The following TAF2 variants were observed in gnomAD, a reference collection of about 807,000 sequenced individuals.
The protein encoded by TAF2 is TATA-box binding protein associated factor 2.
In TAF2, 61 loss-of-function variants were observed where a neutral mutation model predicts 138.5. The ratio of observed to expected loss-of-function variants is 0.44; its 90% CI spans 0.36 to 0.54. The LOEUF (loss-of-function observed/expected upper bound fraction) is 0.54. Ranked by LOEUF, TAF2 falls within the 20% of genes least tolerant of loss-of-function variation. The pLI is 0.00. For missense variants in TAF2, 1,090 were observed against 1,427.9 expected, an observed-to-expected ratio of 0.76 and a Z score of 3.81; for synonymous variants, 475 against 469.9, an observed-to-expected ratio of 1.01 and a Z score of -0.14.
In TAF2 at chr8:119,755,986, T is replaced by C. The variant is rs773653485; in HGVS notation, c.2878+20A>G. On this transcript the variant is annotated intron_variant, in intron 22 of 25. Coordinates refer to ENST00000378164, the MANE Select transcript of TAF2 (RefSeq NM_003184.4). Reference sequence around the variant, plus strand: ...ATACTCTAGTAATAATAAAAACAATTTAAATCCCTGCTCTCTCACCAGAAT... The same window carrying C: ...ATACTCTAGTAATAATAAAAACAATCTAAATCCCTGCTCTCTCACCAGAAT... 23 of 1,549,144 alleles carry C rather than the reference T, an allele frequency of 1.5e-5. No homozygotes were observed. The African/African-American group carries it at 2.9e-4, about 19-fold the overall frequency.
At chr8:119,823,733 T>C (rs1023475268) in intron 2 of TAF2, among the ~76,000 whole-genome samples, 5 of 152,182 alleles carry the variant, frequency 3.3e-5, no homozygotes, top group African/African-American at 4.8e-5. Flanking sequence ...AACTAGGTAA[T>C]AGGCAGAGGT....
intron 24 of TAF2, 97 bp from the exon 25 acceptor site, chr8:119,742,753 C>A: frequency 1.3e-6 from 2 of 1,487,316 alleles, no homozygotes; most frequent in Non-Finnish European, 9.1e-7. Context: ...GCCTTAAAGA[C>A]AGAAGCAATT....
Position 119,756,147 on chromosome 8 carries a change from G to T in TAF2, c.2769-32C>A. 3 of 1,521,070 alleles carry T rather than the reference G, an allele frequency of 2.0e-6. No individual in the cohort carries two copies. In the South Asian group the frequency reaches 3.4e-5, roughly 17 times the overall value. The allele number at this position is 1,521,070 out of a possible 1,614,324, so 94.2% of individuals were successfully genotyped here. ...GATTAAAAAAAATTAAATTTTTGCTGACCTTTTACTGACAGATGCTATGAG... is the reference window on the plus strand; with the variant it reads ...GATTAAAAAAAATTAAATTTTTGCTTACCTTTTACTGACAGATGCTATGAG... On this transcript the variant is annotated intron_variant, in intron 21 of 25. Coordinates refer to ENST00000378164, the MANE Select transcript of TAF2 (RefSeq NM_003184.4).
chr8:119,769,843 C>T (rs1007578946), intron 18 of TAF2, among the ~76,000 whole-genome samples: 26 of 151,730 alleles, frequency 1.7e-4, no homozygotes, highest in Middle Eastern at 3.4e-3. Flanking sequence ...CTGCAACCTC[C>T]GCCTCCCGGG....
intron 25 of TAF2, among the ~76,000 whole-genome samples, chr8:119,738,111 G>T (rs1483542161): frequency 5.3e-5 from 8 of 150,924 alleles, no homozygotes; most frequent in Admixed American, 1.3e-4. Flanking sequence ...TATATATATA[G>T]TATGTTTTAT....
At chr8:119,789,779 T>C (rs1472351404) in intron 11 of TAF2, 33 bp from the exon 12 acceptor site, 2 of 1,595,820 alleles carry the variant, frequency 1.3e-6, no homozygotes, top group East Asian at 4.5e-5. Flanking sequence ...TAAATTCATA[T>C]AACAGATTCT....
At chr8:119,792,762 C>T (rs945478691) in intron 10 of TAF2, among the ~76,000 whole-genome samples, 1 of 152,106 alleles carries the variant, frequency 6.6e-6, no homozygotes, top group Non-Finnish European at 1.5e-5. Context: ...AGGGAGCGTT[C>T]TCTTGCCCTG....
Position 119,783,604 on chromosome 8 carries a change from A to T in TAF2, c.1889T>A (p.Ile630Lys). ...DADSPLLWIRIDPDMSVLRKV... is the reference protein window; with the variant it reads ...DADSPLLWIRKDPDMSVLRKV... ...CCTCAATACTGACATATCTGGGTCT[A>T]TCCTTATCCACAGCAAAGGGGAATC... The change falls in exon 16 of 26, where the codon ATA becomes AAA. Residue 630 changes from isoleucine (I) to lysine (K), a missense_variant. By Grantham distance (102) the Ile-to-Lys change is moderately radical. Transcript: ENST00000378164. 6.2e-7 allele frequency: 1 copy of T among 1,614,146 alleles called. No individual in the cohort carries two copies. The highest frequency in any genetic ancestry group is 8.5e-7 in the Non-Finnish European group (1 of 1,179,992).
At chr8:119,816,279 G>A (rs750461938) in intron 3 of TAF2, among the ~76,000 whole-genome samples, 5 of 150,970 alleles carry the variant, frequency 3.3e-5, no homozygotes, top group Admixed American at 1.3e-4. Context: ...GGATAGTCTC[G>A]ATCTCCTGAC....
At chr8:119,788,250 A>C in intron 14 of TAF2, 88 bp downstream of exon 14, 1 of 1,126,910 alleles carries the variant, frequency 8.9e-7, no homozygotes, top group Non-Finnish European at 1.3e-6. Context: ...AAAAAAAATT[A>C]GGTATACAAG....
At chr8:119,793,296 T>G in intron 10 of TAF2, 70 bp downstream of exon 10, 1 of 1,305,022 alleles carries the variant, frequency 7.7e-7, no homozygotes, top group Non-Finnish European at 1.1e-6. Flanking sequence ...AAATACTATT[T>G]AGCTCTTAAA....
In TAF2 at chr8:119,783,595, T is replaced by C. The variant is rs892908667; in HGVS notation, c.1898A>G (p.Asp633Gly). 1 of 1,614,174 alleles carries C rather than the reference T, an allele frequency of 6.2e-7. No homozygotes were observed. The highest frequency in any genetic ancestry group is 8.5e-7 in the Non-Finnish European group (1 of 1,180,012). ...SPLLWIRIDP[D>G]MSVLRKVEFE... ...TTCTACCTTCCTCAATACTGACATA[T>C]CTGGGTCTATCCTTATCCACAGCAA... The change falls in exon 16 of 26, where the codon GAT (aspartate) becomes GGT (glycine). Residue 633 changes from aspartate (D) to glycine (G), a missense_variant. By Grantham distance (94) the Asp-to-Gly change is moderately conservative. Coordinates refer to ENST00000378164, the MANE Select transcript of TAF2 (RefSeq NM_003184.4).
In TAF2 at chr8:119,762,621, A is replaced by C. The variant is rs1414535991; in HGVS notation, c.2365-13T>G. On this transcript the variant is annotated splice_polypyrimidine_tract_variant and intron_variant, in intron 18 of 25. Transcript: ENST00000378164. Reference sequence around the variant, plus strand: ...AGTTATCTGAAAACTAGGCCAAAGAAAAATTAAGTGAAGATAACAAAATTA... The same window carrying C: ...AGTTATCTGAAAACTAGGCCAAAGACAAATTAAGTGAAGATAACAAAATTA... The C allele has an allele frequency of 6.2e-7, 1 of 1,608,034 alleles. No homozygotes were observed. The highest frequency in any genetic ancestry group is 1.1e-5 in the South Asian group (1 of 89,808).
Position 119,800,114 on chromosome 8 carries a change from G to C in TAF2, c.792+1680C>G, listed in dbSNP as rs543937771. ...AGGTTGCCTGTTCACTCTGATGGTA[G>C]TTTCTTTTGCTGTGCAGAAACTCTT... On this transcript the variant is annotated intron_variant, in intron 6 of 25. Coordinates refer to ENST00000378164, the MANE Select transcript of TAF2 (RefSeq NM_003184.4). Among the ~76,000 whole-genome samples the C allele has an allele frequency of 3.9e-5, 6 of 152,248 alleles. No individual in the cohort carries two copies. The East Asian group carries it at 1.2e-3, about 29-fold the overall frequency.
rs369014145 is a variant in TAF2 at position 119,819,329 on chromosome 8, T to A, written c.299+17A>T. 6.2e-7 allele frequency: 1 copy of A among 1,611,188 alleles called. No homozygotes were observed. The highest frequency in any genetic ancestry group is 8.5e-7 in the Non-Finnish European group (1 of 1,178,928). On this transcript the variant is annotated intron_variant, in intron 3 of 25. Transcript: ENST00000378164. The stretch of plus-strand genomic sequence containing the variant: ...CAAAACTGTTAAAAATAGTGACTTT[T>A]AAAGTGCATAACTTACTGTTTTGAT...
In TAF2 at chr8:119,788,787, T is replaced by TAA; in HGVS notation, c.1683+2_1683+3insTT. ...ACAAAGGCGATTTTGGAAAAAGACTTACCACGTATTTCTGAGTTCCAGGAG... is the reference window on the plus strand; with the variant it reads ...ACAAAGGCGATTTTGGAAAAAGACTTAAACCACGTATTTCTGAGTTCCAGGAG... On this transcript the variant is annotated splice_region_variant and intron_variant, in intron 13 of 25. Coordinates refer to ENST00000378164, the MANE Select transcript of TAF2 (RefSeq NM_003184.4). The TAA allele has an allele frequency of 6.2e-7, 1 of 1,607,622 alleles. No individual in the cohort carries two copies.
intron 5 of TAF2, among the ~76,000 whole-genome samples, 174 bp downstream of exon 5, chr8:119,803,704 G>GA (rs1437177271): frequency 2.8e-5 from 4 of 142,788 alleles, no homozygotes; most frequent in East Asian, 2.0e-4. Flanking sequence ...AAAAAAAAAA[G>GA]AAAAAAAAAT....
chr8:119,821,513 C>G (rs1310643782), intron 2 of TAF2, among the ~76,000 whole-genome samples: 1 of 152,198 alleles, frequency 6.6e-6, no homozygotes, highest in Non-Finnish European at 1.5e-5. Flanking sequence ...AGGCATTCTC[C>G]TAGTTTCCAC....
chr8:119,777,901 T>C, intron 18 of TAF2, 118 bp downstream of exon 18: 1 of 619,226 alleles, frequency 1.6e-6, no homozygotes, highest in South Asian at 2.1e-5. Flanking sequence ...AGTACGATGA[T>C]TTTTATAGAC....
Sources: gnomAD v4.1 joint callset for allele counts (sites outside exome capture counted in the v4.1 genomes callset) on GRCh38, gnomAD v4.1.1 for gene constraint, MANE v1.5 for transcripts, NCBI Gene and HGNC (gene_info 2026-07-23, HGNC 2026-07-21) for gene names.